Variants in GPHN observed in about 807,000 individuals in gnomAD.
GPHN encodes gephyrin.
GPHN carries 17 observed loss-of-function variants against 95.5 expected under a neutral mutation model. The observed-to-expected ratio is 0.18, with a 90% CI of 0.12 to 0.27. The LOEUF is 0.27. GPHN is among the 10% of genes least tolerant of loss of function. GPHN has a pLI of 1.00. For missense variants in GPHN, 660 were observed against 978.1 expected, an observed-to-expected ratio of 0.67 and a Z score of 4.34; for synonymous variants, 320 against 322.5, an observed-to-expected ratio of 0.99 and a Z score of 0.08.
the GPHN span, chr14:67,388,252 A>G: frequency 8.7e-6 from 14 of 1,613,552 alleles, no homozygotes; most frequent in Non-Finnish European, 1.0e-5. Flanking sequence ...CTTCCAGAGC[A>G]GACACGAGTG....
chr14:66,516,344 T>C (rs2058246638), intron 1 of GPHN, among the ~76,000 whole-genome samples: 1 of 152,096 alleles, frequency 6.6e-6, no homozygotes, highest in Non-Finnish European at 1.5e-5. Flanking sequence ...CATTCTATTC[T>C]GAATATCTGT....
chr14:66,682,372 A>G (rs2066989932), intron 2 of GPHN, among the ~76,000 whole-genome samples: 2 of 152,244 alleles, frequency 1.3e-5, no homozygotes, highest in Admixed American at 1.3e-4. Context: ...AATAACATTT[A>G]ATTGCATTAA....
chr14:66,614,327 G>A (rs1400334448), intron 1 of GPHN, among the ~76,000 whole-genome samples: 1 of 152,046 alleles, frequency 6.6e-6, no homozygotes, highest in Non-Finnish European at 1.5e-5. Context: ...TCAAATTCAG[G>A]TCTAACTTAC....
the GPHN span, chr14:67,656,281 A>G: frequency 4.6e-6 from 4 of 861,070 alleles, no homozygotes; most frequent in Non-Finnish European, 6.5e-6. Context: ...AAAAATTGAG[A>G]AAAGCATAAG....
the GPHN span, chr14:67,384,171 A>AAT: frequency 6.6e-6 from 1 of 152,214 alleles, no homozygotes; most frequent in African/African-American, 2.4e-5. Flanking sequence ...TTATTGGAAT[A>AAT]ATAAGCTACT....
chr14:66,722,407 T>C (rs974979690), intron 2 of GPHN, among the ~76,000 whole-genome samples: 6 of 151,530 alleles, frequency 4.0e-5, no homozygotes, highest in African/African-American at 1.5e-4. Flanking sequence ...AATTCTAATA[T>C]GGCATGTGTT....
intron 4 of GPHN, among the ~76,000 whole-genome samples, chr14:66,878,425 A>G (rs954230462): frequency 6.6e-6 from 1 of 152,228 alleles, no homozygotes; most frequent in Non-Finnish European, 1.5e-5. Flanking sequence ...CAGAGTGAAC[A>G]GACAACCTAC....
intron 1 of GPHN, among the ~76,000 whole-genome samples, chr14:66,560,012 C>T (rs1375893099): frequency 2.6e-5 from 4 of 152,144 alleles, no homozygotes; most frequent in Non-Finnish European, 5.9e-5. Context: ...TTCCCCATTG[C>T]TTGTTTTTGT....
the GPHN span, among the ~76,000 whole-genome samples, chr14:67,500,811 T>C: frequency 6.6e-6 from 1 of 151,742 alleles, no homozygotes; most frequent in African/African-American, 2.4e-5. Context: ...GAACTTGTGA[T>C]CCGCCCGCCT....
chr14:66,813,013 A>G (rs2060822443), intron 3 of GPHN, among the ~76,000 whole-genome samples: 1 of 152,188 alleles, frequency 6.6e-6, no homozygotes, highest in Non-Finnish European at 1.5e-5. Flanking sequence ...TAGATAGCAG[A>G]ATAGCTAGTT....
intron 1 of GPHN, among the ~76,000 whole-genome samples, chr14:66,586,218 CT>C (rs148972190): frequency 0.31 from 46,996 of 151,638 alleles, 11,112 homozygotes; most frequent in African/African-American, 0.63. Flanking sequence ...CAACCCCTTC[CT>C]TTTTTTGTTT....
At chr14:66,853,469 C>T (rs2062678446) in intron 4 of GPHN, among the ~76,000 whole-genome samples, 1 of 152,178 alleles carries the variant, frequency 6.6e-6, no homozygotes, top group South Asian at 2.1e-4. Flanking sequence ...ATGTTTGACA[C>T]ACAGTTCCAC....
At chr14:67,097,324 G>C (rs1047458706) in intron 12 of GPHN, among the ~76,000 whole-genome samples, 3 of 152,162 alleles carry the variant, frequency 2.0e-5, no homozygotes, top group African/African-American at 7.2e-5. Flanking sequence ...TTTAAGTAGT[G>C]GAAGTAGCAC....
chr14:67,208,325 T>C, the GPHN span: 3 of 1,613,866 alleles, frequency 1.9e-6, no homozygotes, highest in African/African-American at 4.0e-5. Flanking sequence ...AGGTAAAAGA[T>C]ATTTTCAAAC....
the GPHN span, chr14:67,473,764 C>T: frequency 1.2e-6 from 2 of 1,613,762 alleles, no homozygotes; most frequent in Non-Finnish European, 1.7e-6. The surrounding 1 kb of genome is among the most constrained non-coding windows in gnomAD (Gnocchi z 6.5). Context: ...ATGGAGGTGC[C>T]GTAGATGAAG....
intron 17 of GPHN, among the ~76,000 whole-genome samples, chr14:67,129,220 T>G (rs908608502): frequency 6.6e-6 from 1 of 152,130 alleles, no homozygotes; most frequent in Non-Finnish European, 1.5e-5. Context: ...ATTCCCCTTA[T>G]GCATTATTAA....
chr14:67,389,548 CTATG>C, the GPHN span, among the ~76,000 whole-genome samples: 1 of 151,998 alleles, frequency 6.6e-6, no homozygotes, highest in African/African-American at 2.4e-5. Flanking sequence ...CTGTTTCCAT[CTATG>C]TATGTATATG....
chr14:66,774,040 G>T (rs2059286331), intron 2 of GPHN, among the ~76,000 whole-genome samples: 1 of 115,458 alleles, frequency 8.7e-6, no homozygotes, highest in African/African-American at 3.5e-5. Flanking sequence ...GTCTCGCCCT[G>T]TCGCCCAGGT....
At chr14:67,309,676 C>T in the GPHN span, among the ~76,000 whole-genome samples, 6 of 152,244 alleles carry the variant, frequency 3.9e-5, no homozygotes, top group Admixed American at 1.3e-4. Context: ...TCCCTCCTCA[C>T]GGGTCTTAAT....
Sources: gnomAD v4.1 joint callset for allele counts (sites outside exome capture counted in the v4.1 genomes callset) on GRCh38, gnomAD v4.1.1 for gene constraint, Gnocchi (gnomAD v3.1) non-coding constraint, MANE v1.5 for transcripts, NCBI Gene and HGNC (gene_info 2026-07-23, HGNC 2026-07-21) for gene names.